The following DCDC1 variants were observed in gnomAD, a reference collection of about 807,000 sequenced individuals.
The protein encoded by DCDC1 is doublecortin domain containing 1, also known as doublecortin domain-containing protein 1.
A neutral mutation model predicts 178.3 loss-of-function variants in DCDC1; 200 were observed. The observed-to-expected ratio is 1.12, with a 90% CI of 1.00 to 1.26. DCDC1 has a LOEUF of 1.26. DCDC1 is among the 50% of genes most tolerant of loss of function. The pLI, the probability that DCDC1 is intolerant of heterozygous loss-of-function variation, is 0.00. For synonymous variants in DCDC1, 690 were observed against 604.8 expected, an observed-to-expected ratio of 1.14 and a Z score of -2.07; for missense variants, 1,983 against 1,749.2, an observed-to-expected ratio of 1.13 and a Z score of -2.38.
chr11:31,252,741 C>T (rs1944133345), intron 8 of DCDC1, among the ~76,000 whole-genome samples: 1 of 152,006 alleles, frequency 6.6e-6, no homozygotes, highest in Non-Finnish European at 1.5e-5. Flanking sequence ...ATATGAAAGG[C>T]AATCACAGAC....
chr11:31,190,184 C>T (rs1355938566), intron 9 of DCDC1, among the ~76,000 whole-genome samples: 3 of 152,064 alleles, frequency 2.0e-5, no homozygotes, highest in Non-Finnish European at 2.9e-5. Flanking sequence ...AAGAAGAATT[C>T]TTATTTGTTA....
At position 31,272,751 on chromosome 11, in the gene DCDC1, C is replaced by T. The variant is rs188154005; in HGVS notation, c.961-7151G>A. Reference sequence around the variant, plus strand: ...ATGGTCTTGGGCAGTTCTACTCCTGCGGCTTTGCAGGGCACAGCCGCTGCT... The same window carrying T: ...ATGGTCTTGGGCAGTTCTACTCCTGTGGCTTTGCAGGGCACAGCCGCTGCT... On this transcript the variant is annotated intron_variant, in intron 7 of 38. Coordinates refer to ENST00000684477, the MANE Select transcript of DCDC1 (RefSeq NM_001387274.1). 7.9e-5 allele frequency among the ~76,000 whole-genome samples: 12 copies of T among 152,354 alleles called. No homozygotes were observed. In the East Asian group the frequency reaches 1.2e-3, roughly 15 times the overall value.
At chr11:31,357,693 T>C (rs1395133575) in intron 1 of DCDC1, among the ~76,000 whole-genome samples, 12 of 151,976 alleles carry the variant, frequency 7.9e-5, no homozygotes, top group South Asian at 2.1e-4. Context: ...AAAACCCCAT[T>C]GTCTCAGCCC....
chr11:31,253,269 TCTTACTAATTATTTATTTGAATA>T, intron 8 of DCDC1, among the ~76,000 whole-genome samples: 1 of 152,250 alleles, frequency 6.6e-6, no homozygotes, highest in African/African-American at 2.4e-5. Context: ...CATAGACTAT[TCTTACTAATTATTTATTTGAATA>T]TTAATATTTT....
At position 30,894,298 on chromosome 11, in the gene DCDC1, C is replaced by T. The variant is rs543178266; in HGVS notation, c.4852G>A (p.Glu1618Lys). ...AGTTTAATTTCCTGTTGAGTCTGTT[C>T]GGTCCAGCCTCCTTCAACCACCACG... ...QPVVVEGGWTEQTQQEIKLME... is the reference protein window; with the variant it reads ...QPVVVEGGWTKQTQQEIKLME... Residue 1618 changes from glutamate to lysine, a missense_variant, in exon 35 of 39, where the codon GAA (glutamate) becomes AAA (lysine). Glu to Lys is a moderately conservative substitution (Grantham distance 56, BLOSUM62 1). Transcript: ENST00000684477. 3.6e-5 allele frequency: 58 copies of T among 1,613,814 alleles called. No individual in the cohort carries two copies. In the East Asian group the frequency reaches 3.8e-4, roughly 11 times the overall value.
chr11:31,276,593 A>G (rs1946008792), intron 7 of DCDC1, among the ~76,000 whole-genome samples: 1 of 152,164 alleles, frequency 6.6e-6, no homozygotes, highest in Non-Finnish European at 1.5e-5. Flanking sequence ...AAAATGACTT[A>G]TAATCAAAAT....
At chr11:30,973,422 C>A (rs1246929829) in intron 20 of DCDC1, among the ~76,000 whole-genome samples, 3 of 152,038 alleles carry the variant, frequency 2.0e-5, no homozygotes, top group Non-Finnish European at 4.4e-5. Context: ...GCCATGTTTC[C>A]TTTACAGCCT....
chr11:31,091,660 C>G, intron 16 of DCDC1, 149 bp from the exon 17 acceptor site: 1 of 597,624 alleles, frequency 1.7e-6, no homozygotes, highest in African/African-American at 1.9e-5. Flanking sequence ...CACAACTTAG[C>G]AGTCAGCGAG....
chr11:31,151,778 T>A (rs574409281), intron 9 of DCDC1, among the ~76,000 whole-genome samples: 9 of 152,216 alleles, frequency 5.9e-5, no homozygotes, highest in African/African-American at 1.7e-4. Context: ...TGCATTCAAA[T>A]GTTCCTTAAA....
chr11:31,170,199 G>T (rs1489481500), intron 9 of DCDC1, among the ~76,000 whole-genome samples: 1 of 152,136 alleles, frequency 6.6e-6, no homozygotes, highest in East Asian at 1.9e-4. Context: ...GGTACCAAAG[G>T]CCTAGCTTAG....
intron 6 of DCDC1, among the ~76,000 whole-genome samples, chr11:31,294,854 GAAAGAAAGA>G (rs1947559683): frequency 8.2e-6 from 1 of 121,284 alleles, no homozygotes; most frequent in Admixed American, 8.4e-5. Context: ...AAGAAAGAAA[GAAAGAAAGA>G]AAGAAAAAGA....
At chr11:31,088,274 A>T (rs1957597839) in intron 17 of DCDC1, among the ~76,000 whole-genome samples, 1 of 152,048 alleles carries the variant, frequency 6.6e-6, no homozygotes, top group Non-Finnish European at 1.5e-5. Flanking sequence ...ATAATGTCTG[A>T]TTATTAAATG....
intron 8 of DCDC1, among the ~76,000 whole-genome samples, chr11:31,258,990 A>G (rs1436628809): frequency 2.0e-5 from 3 of 152,160 alleles, no homozygotes; most frequent in African/African-American, 7.2e-5. Flanking sequence ...GATACCTCAA[A>G]TAAGTCTTTA....
intron 17 of DCDC1, among the ~76,000 whole-genome samples, chr11:31,083,047 C>T (rs528480648): frequency 6.6e-6 from 1 of 152,272 alleles, no homozygotes; most frequent in Admixed American, 6.5e-5. Context: ...GCTGCTATTC[C>T]TTAACATTAT....
intron 9 of DCDC1, among the ~76,000 whole-genome samples, chr11:31,221,734 T>C (rs951784358): frequency 6.6e-6 from 1 of 152,188 alleles, no homozygotes; most frequent in Non-Finnish European, 1.5e-5. Context: ...TATCAAAGGG[T>C]TGCTCAGCCA....
At chr11:31,332,237 A>AT (rs1555180799) in intron 2 of DCDC1, among the ~76,000 whole-genome samples, 1 of 152,046 alleles carries the variant, frequency 6.6e-6, no homozygotes, top group Non-Finnish European at 1.5e-5. Flanking sequence ...CCCCTTTATC[A>AT]TTTTTTATTG....
At chr11:31,343,259 C>T (rs1024068548) in intron 1 of DCDC1, among the ~76,000 whole-genome samples, 10 of 152,104 alleles carry the variant, frequency 6.6e-5, no homozygotes, top group African/African-American at 2.4e-4. Flanking sequence ...TTCAAGGTTG[C>T]ACTAAGTATG....
chr11:31,136,533 A>G (rs957803187), intron 10 of DCDC1, among the ~76,000 whole-genome samples: 1 of 152,150 alleles, frequency 6.6e-6, no homozygotes, highest in African/African-American at 2.4e-5. Context: ...GTTAGTAAGG[A>G]AGATGAAATC....
At chr11:31,211,026 C>T (rs1306347008) in intron 9 of DCDC1, among the ~76,000 whole-genome samples, 2 of 152,074 alleles carry the variant, frequency 1.3e-5, no homozygotes, top group Admixed American at 6.6e-5. Context: ...TGCAAGAGGC[C>T]AAACTTACTT....
Sources: allele counts gnomAD v4.1 joint callset (sites outside exome capture counted in the v4.1 genomes callset), GRCh38; gene constraint gnomAD v4.1.1; transcripts MANE v1.5; gene names NCBI Gene and HGNC (gene_info 2026-07-23, HGNC 2026-07-21).